The following CDH23 variants were observed in gnomAD, a reference collection of about 807,000 sequenced individuals.
CDH23 encodes cadherin related 23.
In CDH23, 189 loss-of-function variants were observed where a neutral mutation model predicts 317.1. The ratio of observed to expected loss-of-function variants is 0.60; its 90% CI spans 0.53 to 0.67. CDH23 has a LOEUF of 0.67. Ranked by LOEUF, CDH23 falls within the 30% of genes least tolerant of loss-of-function variation. The pLI is 0.00. For synonymous variants in CDH23, 1,839 were observed against 1,876.8 expected (o/e 0.98, Z 0.52); for missense variants, 4,401 against 4,592.4 (o/e 0.96, Z 1.20).
chr10:71,698,147 G>C (rs1450384563), intron 22 of CDH23, among the ~76,000 whole-genome samples: 1 of 152,116 alleles, frequency 6.6e-6, no homozygotes, highest in Non-Finnish European at 1.5e-5. Context: ...GAATTTTCTG[G>C]AATTCCCAGT....
At chr10:71,504,975 C>T (rs1237459700) in intron 3 of CDH23, among the ~76,000 whole-genome samples, 1 of 152,180 alleles carries the variant, frequency 6.6e-6, no homozygotes, top group Non-Finnish European at 1.5e-5. Flanking sequence ...TCTGGGCTTC[C>T]CAGTAGCCAA....
chr10:71,421,068 A>T (rs1320098824), intron 1 of CDH23, among the ~76,000 whole-genome samples: 1 of 152,090 alleles, frequency 6.6e-6, no homozygotes, highest in Non-Finnish European at 1.5e-5. Context: ...TTCTCTCCAG[A>T]CTTCAGAGGT....
At chr10:71,655,796 G>T (rs1863391911) in intron 14 of CDH23, among the ~76,000 whole-genome samples, 1 of 151,962 alleles carries the variant, frequency 6.6e-6, no homozygotes, top group Non-Finnish European at 1.5e-5. Context: ...AGGCCTCATG[G>T]GGACACATGA....
intron 2 of CDH23, among the ~76,000 whole-genome samples, chr10:71,442,416 C>A (rs1849932302): frequency 6.6e-6 from 1 of 152,134 alleles, no homozygotes; most frequent in Non-Finnish European, 1.5e-5. Flanking sequence ...CACCCCTGAC[C>A]TAGCCCTTCA....
chr10:71,655,438 T>C (rs966106930), intron 14 of CDH23, among the ~76,000 whole-genome samples: 9 of 152,190 alleles, frequency 5.9e-5, no homozygotes, highest in Non-Finnish European at 7.4e-5. Flanking sequence ...CAAAATCTGC[T>C]GAACCTCAGG....
intron 22 of CDH23, 128 bp from the exon 23 acceptor site, chr10:71,701,894 C>T (rs1179856979): frequency 8.3e-6 from 8 of 969,530 alleles, no homozygotes; most frequent in Non-Finnish European, 1.2e-5. Flanking sequence ...CGGGGATGCC[C>T]ACTTCCTGGG....
intron 22 of CDH23, among the ~76,000 whole-genome samples, chr10:71,700,796 G>T (rs1230397300): frequency 6.6e-6 from 1 of 152,142 alleles, no homozygotes; most frequent in East Asian, 1.9e-4. Flanking sequence ...GCCTCCCCAG[G>T]ACCCATGGAC....
intron 11 of CDH23, among the ~76,000 whole-genome samples, chr10:71,624,991 A>G (rs188677513): frequency 9.4e-4 from 143 of 152,276 alleles, no homozygotes; most frequent in Middle Eastern, 3.4e-3. Flanking sequence ...TCTGCTGAGA[A>G]GATGAGCTTG....
At chr10:71,532,883 C>A (rs1855481327) in intron 6 of CDH23, among the ~76,000 whole-genome samples, 1 of 152,000 alleles carries the variant, frequency 6.6e-6, no homozygotes, top group Non-Finnish European at 1.5e-5. Flanking sequence ...GCATCCACCA[C>A]CATGCCTGGC....
intron 36 of CDH23, among the ~76,000 whole-genome samples, chr10:71,740,020 G>A (rs145246441): frequency 1.6e-4 from 24 of 152,340 alleles, no homozygotes; most frequent in African/African-American, 5.5e-4. Flanking sequence ...TTCCCCTGCT[G>A]TAAGAGCCAG....
chr10:71,701,839 G>A (rs993413647), intron 22 of CDH23, among the ~76,000 whole-genome samples, 183 bp from the exon 23 acceptor site: 10 of 152,038 alleles, frequency 6.6e-5, no homozygotes, highest in Non-Finnish European at 1.3e-4. Flanking sequence ...CTCCCCTAGA[G>A]AACTCCTGCC....
Position 71,526,094 on chromosome 10 carries a change from C to T in CDH23, c.429+14882C>T, listed in dbSNP as rs1248821329. ...CCAGCAAAAGCTCGGCCCTCTGCAT[C>T]GCTGAGGGGGTGGAGCAGGGGGTTC... On this transcript the variant is annotated intron_variant, in intron 6 of 69. Coordinates refer to ENST00000224721, the MANE Select transcript of CDH23 (RefSeq NM_022124.6). 2.6e-5 allele frequency among the ~76,000 whole-genome samples: 4 copies of T among 152,336 alleles called. No individual in the cohort carries two copies. In the East Asian group the frequency reaches 5.8e-4, roughly 22 times the overall value.
chr10:71,538,147 C>A (rs10762453), intron 6 of CDH23, among the ~76,000 whole-genome samples: 50,871 of 152,134 alleles, frequency 0.33, 9,203 homozygotes, highest in East Asian at 0.64. Context: ...TACCCGCCCC[C>A]ACCAGGTCTC....
At chr10:71,767,116 C>T (rs899573748) in intron 38 of CDH23, among the ~76,000 whole-genome samples, 1 of 152,254 alleles carries the variant, frequency 6.6e-6, no homozygotes, top group Non-Finnish European at 1.5e-5. Context: ...AGCTGTGGCA[C>T]CCTCAGATGT....
At chr10:71,699,308 G>A (rs981498004) in intron 22 of CDH23, among the ~76,000 whole-genome samples, 6 of 152,252 alleles carry the variant, frequency 3.9e-5, no homozygotes, top group African/African-American at 1.4e-4. Flanking sequence ...GTAGACTAGG[G>A]CGTATGGCCC....
rs111594040 is a variant in CDH23 at position 71,814,681 on chromosome 10, T to TACAC, written c.9739-261_9739-258dup. On this transcript the variant is annotated intron_variant, in intron 69 of 69. Coordinates refer to ENST00000224721, the MANE Select transcript of CDH23 (RefSeq NM_022124.6). ...ACACACAATTTTCACAAGAAGCCGATACACACACACACAATTTTCACAAGA... is the reference window on the plus strand; with the variant it reads ...ACACACAATTTTCACAAGAAGCCGATACACACACACACACACAATTTTCACAAGA... Among the ~76,000 whole-genome samples, 79,644 of 147,632 alleles carry TACAC rather than the reference T, an allele frequency of 0.54. 22,306 individuals are homozygous for TACAC. The highest frequency in any genetic ancestry group is 0.72 in the Middle Eastern group (208 of 288).
intron 1 of CDH23, among the ~76,000 whole-genome samples, chr10:71,437,795 C>T (rs1849684693): frequency 6.6e-6 from 1 of 152,200 alleles, no homozygotes; most frequent in Admixed American, 6.5e-5. Context: ...CCACACTGGG[C>T]CCACATTCCC....
chr10:71,708,691 C>T (rs1865871627), intron 26 of CDH23, among the ~76,000 whole-genome samples: 1 of 152,218 alleles, frequency 6.6e-6, no homozygotes, highest in African/African-American at 2.4e-5. Flanking sequence ...ATACAAGCCC[C>T]TATGCAGGTT....
At chr10:71,720,694 G>A (rs1866516290) in intron 28 of CDH23, among the ~76,000 whole-genome samples, 1 of 152,200 alleles carries the variant, frequency 6.6e-6, no homozygotes, top group Non-Finnish European at 1.5e-5. Context: ...AAGAGGCACT[G>A]TCTGCCAACC....
Sources: gnomAD v4.1 joint callset for allele counts (sites outside exome capture counted in the v4.1 genomes callset) on GRCh38, gnomAD v4.1.1 for gene constraint, MANE v1.5 for transcripts, NCBI Gene and HGNC (gene_info 2026-07-23, HGNC 2026-07-21) for gene names.